RCL1: variants seen among roughly 807,000 people sequenced by gnomAD.
RCL1 encodes RNA terminal phosphate cyclase like 1.
A neutral mutation model predicts 42.4 loss-of-function variants in RCL1; 24 were observed. The ratio of observed to expected loss-of-function variants is 0.57; its 90% CI spans 0.41 to 0.80. The LOEUF (loss-of-function observed/expected upper bound fraction) is 0.80. RCL1 is among the 30% of genes least tolerant of loss of function. RCL1 has a pLI of 0.00. For missense variants in RCL1, 578 were observed against 467.9 expected (o/e 1.24, Z -2.17); for synonymous variants, 228 against 177.3 (o/e 1.29, Z -2.27).
chr9:4,795,923 T>C lies in RCL1; in HGVS notation c.136+2696T>C, dbSNP rs118025033. 2.6e-5 allele frequency among the ~76,000 whole-genome samples: 4 copies of C among 152,278 alleles called. No individual in the cohort carries two copies. The East Asian group carries it at 7.7e-4, about 29-fold the overall frequency. ...AGGATGTTACTAAGTTTGAGTAACTTGAAGTAGGAAGGATTGAGTATTGTA... is the reference window on the plus strand; with the variant it reads ...AGGATGTTACTAAGTTTGAGTAACTCGAAGTAGGAAGGATTGAGTATTGTA... On this transcript the variant is annotated intron_variant, in intron 1 of 8. Coordinates refer to ENST00000381750, the MANE Select transcript of RCL1 (RefSeq NM_005772.5).
intron 3 of RCL1, among the ~76,000 whole-genome samples, chr9:4,828,363 C>T (rs1377089966): frequency 6.6e-6 from 1 of 152,012 alleles, no homozygotes; most frequent in African/African-American, 2.4e-5. Flanking sequence ...TGGTATTCAT[C>T]AAGATACCTA....
chr9:4,851,864 T>A lies in RCL1; in HGVS notation c.971+2314T>A, dbSNP rs1817761285. Among the ~76,000 whole-genome samples the A allele has an allele frequency of 2.0e-5, 3 of 150,438 alleles. No homozygotes were observed. In the South Asian group the frequency reaches 6.3e-4, roughly 31 times the overall value. On this transcript the variant is annotated intron_variant, in intron 8 of 8. Coordinates refer to ENST00000381750, the MANE Select transcript of RCL1 (RefSeq NM_005772.5). ...TGGTTTTCTGTGCTACTTGAGAAAG[T>A]AAGTCTGTATGTGTGAAACTCTTTT...
chr9:4,793,296 G>T (rs558505298), intron 1 of RCL1, 69 bp downstream of exon 1: 1 of 1,501,266 alleles, frequency 6.7e-7, no homozygotes, highest in African/African-American at 1.5e-5. Context: ...ATGCCGTGGG[G>T]GCCCGCGCGG....
At chr9:4,830,024 T>C (rs1399848938) in intron 3 of RCL1, among the ~76,000 whole-genome samples, 1 of 152,036 alleles carries the variant, frequency 6.6e-6, no homozygotes, top group Non-Finnish European at 1.5e-5. Flanking sequence ...AAGGTGTGAG[T>C]GGGAGAAGAG....
At chr9:4,827,875 G>C (rs921606247) in intron 3 of RCL1, among the ~76,000 whole-genome samples, 3 of 151,978 alleles carry the variant, frequency 2.0e-5, no homozygotes, top group African/African-American at 7.3e-5. Context: ...ATGCTCTGCT[G>C]TCAGAGAAGA....
chr9:4,849,469 A>G lies in RCL1; in HGVS notation c.890A>G (p.Asn297Ser). The change falls in exon 8 of 9, where the codon AAC (asparagine) becomes AGC (serine). Residue 297 changes from asparagine to serine, a missense_variant. By Grantham distance (46) the Asn-to-Ser change is conservative (BLOSUM62 1). Transcript: ENST00000381750. ...CAGGGTGGATGCGTAGACTCGACCA[A>G]CCAAAGCCTGGCGCTACTACTCATG... ...IYRGGCVDST[N>S]QSLALLLMTL... 2 of 1,614,078 alleles carry G rather than the reference A, an allele frequency of 1.2e-6. No homozygotes were observed. The highest frequency in any genetic ancestry group is 1.7e-6 in the Non-Finnish European group (2 of 1,179,972).
At chr9:4,852,883 G>A (rs1587735118) in intron 8 of RCL1, among the ~76,000 whole-genome samples, 1 of 151,878 alleles carries the variant, frequency 6.6e-6, no homozygotes, top group East Asian at 1.9e-4. Context: ...ACTTGCTTTG[G>A]GTGATTTTAG....
chr9:4,833,271 C>G (rs1252506911), intron 4 of RCL1, 43 bp downstream of exon 4: 20 of 1,409,620 alleles, frequency 1.4e-5, no homozygotes, highest in Non-Finnish European at 2.0e-5. Context: ...CTGTGGAAAA[C>G]ATTTTCCCAC....
In RCL1 at chr9:4,793,337, C is replaced by T; in HGVS notation, c.136+110C>T. 3.2e-6 allele frequency: 4 copies of T among 1,247,668 alleles called. No homozygotes were observed. The South Asian group carries it at 7.1e-5, about 22-fold the overall frequency. The allele number at this position is 1,247,668 out of a possible 1,614,324, so 77.3% of individuals were successfully genotyped here. ...GTTGGGCGGCTCGGCGTCCGGCGAG[C>T]GCGTCGGGGAGGGCAGGTGGCGCGT... is the stretch of plus-strand genomic sequence containing the variant. On this transcript the variant is annotated intron_variant, in intron 1 of 8. Coordinates refer to ENST00000381750, the MANE Select transcript of RCL1 (RefSeq NM_005772.5).
chr9:4,813,752 G>A lies in RCL1; in HGVS notation c.137-9796G>A, dbSNP rs547516990. ...ACACACGCACACGTATGTTTATTGC[G>A]GCACTATTCACAATAGGAAAGACTT... On this transcript the variant is annotated intron_variant, in intron 1 of 8. Transcript: ENST00000381750. 2.6e-5 allele frequency among the ~76,000 whole-genome samples: 4 copies of A among 152,262 alleles called. No individual in the cohort carries two copies. The South Asian group carries it at 6.2e-4, about 24-fold the overall frequency.
chr9:4,833,436 G>A (rs463578), intron 4 of RCL1, among the ~76,000 whole-genome samples: 71,191 of 151,600 alleles, frequency 0.47, 19,245 homozygotes, highest in East Asian at 0.75. Flanking sequence ...CAGTGATGTT[G>A]CACTTCTTTT....
chr9:4,859,372 T>C (rs1818079798), intron 8 of RCL1, among the ~76,000 whole-genome samples: 2 of 152,218 alleles, frequency 1.3e-5, no homozygotes, highest in Non-Finnish European at 2.9e-5. Context: ...CATAGCACTT[T>C]TCAGGAATAA....
intron 1 of RCL1, among the ~76,000 whole-genome samples, chr9:4,809,554 C>T (rs1334384328): frequency 2.0e-5 from 3 of 152,108 alleles, no homozygotes; most frequent in Admixed American, 6.5e-5. Flanking sequence ...GTGATTCGCC[C>T]GCCTCGGCCT....
At chr9:4,855,497 G>A (rs1203355928) in intron 8 of RCL1, among the ~76,000 whole-genome samples, 5 of 152,214 alleles carry the variant, frequency 3.3e-5, no homozygotes, top group Non-Finnish European at 7.3e-5. Context: ...GCTGTGGAGA[G>A]CTGTTGGGCT....
At chr9:4,845,100 G>A (rs1423976268) in intron 7 of RCL1, among the ~76,000 whole-genome samples, 3 of 152,178 alleles carry the variant, frequency 2.0e-5, no homozygotes, top group Non-Finnish European at 4.4e-5. Context: ...TAGAAATCTG[G>A]ATTTGTATGT....
At chr9:4,842,539 T>A (rs1817368361) in intron 6 of RCL1, among the ~76,000 whole-genome samples, 1 of 152,224 alleles carries the variant, frequency 6.6e-6, no homozygotes. Flanking sequence ...GTCAATGATG[T>A]TCCTAAACCT....
At chr9:4,823,980 A>G (rs1816677341) in intron 2 of RCL1, among the ~76,000 whole-genome samples, 1 of 152,172 alleles carries the variant, frequency 6.6e-6, no homozygotes, top group African/African-American at 2.4e-5. Context: ...AGAGACATAC[A>G]TGAAGTCTCC....
chr9:4,843,159 C>A (rs1817392829), intron 6 of RCL1, among the ~76,000 whole-genome samples: 1 of 152,200 alleles, frequency 6.6e-6, no homozygotes, highest in African/African-American at 2.4e-5. Flanking sequence ...TAATAGTGCT[C>A]TTCCTTCTCT....
At chr9:4,797,358 T>G (rs748903950) in intron 1 of RCL1, among the ~76,000 whole-genome samples, 3 of 152,240 alleles carry the variant, frequency 2.0e-5, no homozygotes, top group Non-Finnish European at 2.9e-5. Context: ...TGCTTCTATA[T>G]GGAAATTTTT....
Sources: allele counts gnomAD v4.1 joint callset (sites outside exome capture counted in the v4.1 genomes callset), GRCh38; gene constraint gnomAD v4.1.1; transcripts MANE v1.5; gene names NCBI Gene and HGNC (gene_info 2026-07-23, HGNC 2026-07-21).